CDC14B: variants seen among roughly 807,000 people sequenced by gnomAD.
CDC14B encodes the protein cell division cycle 14B, also known as dual specificity protein phosphatase CDC14B.
CDC14B carries 22 observed loss-of-function variants against 64.2 expected under a neutral mutation model. The ratio of observed to expected loss-of-function variants is 0.34; its 90% confidence interval spans 0.24 to 0.49. CDC14B has a LOEUF of 0.49. Ranked by LOEUF, CDC14B falls within the 20% of genes least tolerant of loss-of-function variation. The pLI is 0.99. For synonymous variants in CDC14B, 191 were observed against 215.8 expected, an observed-to-expected ratio of 0.89 and a Z score of 1.01; for missense variants, 498 against 629.9, an observed-to-expected ratio of 0.79 and a Z score of 2.24.
At chr9:96,588,222 G>A (rs1441557643) in intron 1 of CDC14B, among the ~76,000 whole-genome samples, 1 of 152,044 alleles carries the variant, frequency 6.6e-6, no homozygotes, top group Non-Finnish European at 1.5e-5. Flanking sequence ...ATTAACCCAC[G>A]CAGGGCTTTC....
chr9:96,492,414 T>G (rs1272426645), exon 14 of CDC14B: 1 of 152,450 alleles, frequency 6.6e-6, no homozygotes, highest in Non-Finnish European at 1.5e-5. Flanking sequence ...AAAGCTGCCC[T>G]GCAGTAACTG....
At chr9:96,583,370 TTTATTATTATTATTATTATTA>T (rs60483659) in intron 1 of CDC14B, among the ~76,000 whole-genome samples, 1,828 of 139,088 alleles carry the variant, frequency 0.013, 39 homozygotes, top group African/African-American at 0.044. Context: ...GTTGTATTTA[TTTATTATTATTATTATTATTA>T]TTATTATTAT....
intron 12 of CDC14B, among the ~76,000 whole-genome samples, chr9:96,516,582 C>A (rs1161672666): frequency 6.6e-6 from 1 of 152,016 alleles, no homozygotes; most frequent in Non-Finnish European, 1.5e-5. Context: ...CAGGTTCAAA[C>A]AATTCTCCCA....
intron 1 of CDC14B, 46 bp downstream of exon 1, chr9:96,619,173 G>C: frequency 8.2e-7 from 1 of 1,219,392 alleles, no homozygotes; most frequent in Non-Finnish European, 1.0e-6. Flanking sequence ...GCCCCGCGCC[G>C]GGTGCGGCCG....
intron 4 of CDC14B, among the ~76,000 whole-genome samples, 159 bp from the exon 5 acceptor site, chr9:96,552,031 C>A (rs1413386498): frequency 6.6e-6 from 1 of 152,216 alleles, no homozygotes; most frequent in African/African-American, 2.4e-5. Flanking sequence ...CCATAGATTT[C>A]TTTTTTGTTT....
intron 1 of CDC14B, among the ~76,000 whole-genome samples, chr9:96,587,458 T>A (rs1031441995): frequency 6.6e-6 from 1 of 152,174 alleles, no homozygotes; most frequent in African/African-American, 2.4e-5. Context: ...CCTTCTGCCT[T>A]GAGGGCCTTT....
chr9:96,600,159 C>T (rs1332401259), intron 1 of CDC14B, among the ~76,000 whole-genome samples: 1 of 151,814 alleles, frequency 6.6e-6, no homozygotes, highest in African/African-American at 2.4e-5. Context: ...CTTTGGTAGG[C>T]CGAGGTGGGA....
At position 96,581,515 on chromosome 9, in the gene CDC14B, T is replaced by A. The variant is rs150300282; in HGVS notation, c.161-16032A>T. Among the ~76,000 whole-genome samples, 1,061 of 137,312 alleles carry A rather than the reference T, an allele frequency of 7.7e-3. 10 individuals are homozygous for A. Among genetic ancestry groups the A allele is most frequent in the African/African-American group, 0.03 (833 of 27,936 alleles). The allele number at this position is 137,312 out of a possible 152,430, so 90.1% of individuals were successfully genotyped here. A position where few individuals can be genotyped will look rare whatever the true frequency, so the allele number is the denominator to read the frequency against. On this transcript the variant is annotated intron_variant, in intron 1 of 13. Coordinates refer to ENST00000375241, the MANE Select transcript of CDC14B (RefSeq NM_033331.4). ...ATTAATTAAATTTAAAAAATTAATTTAAAAATTAAAAAATTAAAAAAAGAC... is the reference window on the plus strand; with the variant it reads ...ATTAATTAAATTTAAAAAATTAATTAAAAAATTAAAAAATTAAAAAAAGAC...
At chr9:96,597,323 G>A (rs781166879) in intron 1 of CDC14B, among the ~76,000 whole-genome samples, 9 of 151,820 alleles carry the variant, frequency 5.9e-5, no homozygotes, top group Non-Finnish European at 8.8e-5. Context: ...GTGAAACCCC[G>A]TCTCTACTAA....
intron 1 of CDC14B, chr9:96,566,933 C>T (rs1434252663): frequency 2.0e-6 from 3 of 1,508,608 alleles, no homozygotes; most frequent in African/African-American, 2.8e-5. Flanking sequence ...CCGCGCGGGG[C>T]AGCGGGCGCA....
intron 1 of CDC14B, among the ~76,000 whole-genome samples, chr9:96,590,253 G>A (rs942055368): frequency 3.3e-5 from 5 of 152,136 alleles, no homozygotes; most frequent in Admixed American, 1.3e-4. Flanking sequence ...TTGTCTTTTC[G>A]TGACAAGCTT....
chr9:96,545,079 G>A (rs529965325), intron 5 of CDC14B, among the ~76,000 whole-genome samples: 1 of 152,220 alleles, frequency 6.6e-6, no homozygotes, highest in South Asian at 2.1e-4. Context: ...TGTCTTAACA[G>A]GTCCTCTAGT....
chr9:96,541,052 T>C (rs1015378327), intron 6 of CDC14B, among the ~76,000 whole-genome samples: 3 of 152,236 alleles, frequency 2.0e-5, no homozygotes, highest in African/African-American at 7.2e-5. Context: ...TACAAGAAAG[T>C]AAACCTGGGT....
chr9:96,565,383 C>T lies in CDC14B; in HGVS notation c.251+10G>A, dbSNP rs777192301. 10 of 1,499,240 alleles carry T rather than the reference C, an allele frequency of 6.7e-6. No individual in the cohort carries two copies. The highest frequency in any genetic ancestry group is 9.3e-6 in the Non-Finnish European group (10 of 1,077,308). 92.9% of individuals were successfully genotyped at this position (1,499,240 alleles called of 1,614,324 possible). A position where few individuals can be genotyped will look rare whatever the true frequency, so the allele number is the denominator to read the frequency against. On this transcript the variant is annotated intron_variant, in intron 2 of 13. Transcript: ENST00000375241. ...CAAAAAGTTAAAATCTTTTAAAGAG[C>T]AATACTTACTTCTCATATTCAAGTT...
In CDC14B at chr9:96,502,667, TCCA is replaced by T; in HGVS notation, c.*1083_*1085del. 1 of 385,202 alleles carries T rather than the reference TCCA, an allele frequency of 2.6e-6. No homozygotes were observed. Among genetic ancestry groups the T allele is most frequent in the Non-Finnish European group, 4.6e-6 (1 of 218,278 alleles). The allele number at this position is 385,202 out of a possible 1,614,324, so 23.9% of individuals were successfully genotyped here. On this transcript the variant is annotated 3_prime_UTR_variant, in exon 14 of 14. Coordinates refer to ENST00000375241, the MANE Select transcript of CDC14B (RefSeq NM_033331.4). ...CTTCATGGCACAGACTCTGCTGTGTTCCAGTAGGGCTGCGGGAGAAGGCACTCT... is the reference window on the plus strand; with the variant it reads ...CTTCATGGCACAGACTCTGCTGTGTTGTAGGGCTGCGGGAGAAGGCACTCT...
At chr9:96,543,268 A>T (rs1167161743) in intron 5 of CDC14B, among the ~76,000 whole-genome samples, 1 of 151,536 alleles carries the variant, frequency 6.6e-6, no homozygotes, top group Non-Finnish European at 1.5e-5. Context: ...CCGGAGGCGG[A>T]GCTTGCAGTG....
intron 1 of CDC14B, among the ~76,000 whole-genome samples, chr9:96,580,611 G>C (rs1250100769): frequency 6.6e-6 from 1 of 152,178 alleles, no homozygotes; most frequent in Non-Finnish European, 1.5e-5. Context: ...TATCTGTTAT[G>C]CATGTAACCG....
At chr9:96,518,799 A>G (rs1022396965) in intron 12 of CDC14B, among the ~76,000 whole-genome samples, 1 of 152,212 alleles carries the variant, frequency 6.6e-6, no homozygotes, top group African/African-American at 2.4e-5. Context: ...AAGTGTCAGC[A>G]TTATAGATGG....
chr9:96,546,384 G>T (rs1840832059), intron 5 of CDC14B, among the ~76,000 whole-genome samples: 1 of 152,050 alleles, frequency 6.6e-6, no homozygotes. Context: ...ATGATTAGCT[G>T]GGGGTGATGA....
Sources: allele counts gnomAD v4.1 joint callset (sites outside exome capture counted in the v4.1 genomes callset), GRCh38; gene constraint gnomAD v4.1.1; transcripts MANE v1.5; gene names NCBI Gene and HGNC (gene_info 2026-07-23, HGNC 2026-07-21).